The following ARHGAP15 variants were observed in gnomAD, a reference collection of about 807,000 sequenced individuals.
The protein encoded by ARHGAP15 is Rho GTPase activating protein 15.
ARHGAP15 carries 51 observed loss-of-function variants against 63.7 expected under a neutral mutation model. The ratio of observed to expected loss-of-function variants is 0.80; its 90% CI spans 0.64 to 1.01. ARHGAP15 has a LOEUF of 1.01. Ranked by LOEUF, ARHGAP15 falls within the 50% of genes least tolerant of loss-of-function variation. The pLI is 0.00. For synonymous variants in ARHGAP15, 191 were observed against 193.8 expected (o/e 0.99, Z 0.12); for missense variants, 560 against 564.6 (o/e 0.99, Z 0.08).
chr2:143,698,221 T>C (rs906545563), intron 12 of ARHGAP15, among the ~76,000 whole-genome samples: 3 of 152,166 alleles, frequency 2.0e-5, no homozygotes, highest in African/African-American at 7.2e-5. Context: ...AAGGCATGGA[T>C]GATAAGGACA....
At chr2:143,439,961 ATAATT>A (rs1689803765) in intron 8 of ARHGAP15, among the ~76,000 whole-genome samples, 1 of 152,118 alleles carries the variant, frequency 6.6e-6, no homozygotes, top group African/African-American at 2.4e-5. Flanking sequence ...TATTAAAATA[ATAATT>A]TAATCTTTAA....
intron 13 of ARHGAP15, among the ~76,000 whole-genome samples, chr2:143,756,265 A>G (rs922261053): frequency 6.6e-6 from 1 of 152,246 alleles, no homozygotes; most frequent in Non-Finnish European, 1.5e-5. Flanking sequence ...ATATTTAAGT[A>G]CTATATACTC....
Position 143,624,182 on chromosome 2 carries a change from C to A in ARHGAP15, c.1053C>A (p.Val351=). 1.2e-6 allele frequency: 2 copies of A among 1,613,596 alleles called. No individual in the cohort carries two copies. Among genetic ancestry groups the A allele is most frequent in the Non-Finnish European group, 1.7e-6 (2 of 1,179,742 alleles). ...DDSQWEDIHV[V]TGALKMFFRE... is the part of the protein sequence containing the mutation. ...GCCAGTGGGAGGACATCCACGTTGT[C>A]ACCGGAGCACTGAAGATGTTTTTCC... The change falls in exon 12 of 14, where the codon GTC becomes GTA. Residue 351 remains valine, a synonymous_variant. Coordinates refer to ENST00000295095, the MANE Select transcript of ARHGAP15 (RefSeq NM_018460.4).
intron 11 of ARHGAP15, among the ~76,000 whole-genome samples, chr2:143,589,538 T>G (rs755348340): frequency 6.6e-6 from 1 of 152,218 alleles, no homozygotes; most frequent in Non-Finnish European, 1.5e-5. Context: ...CCCATCTAGT[T>G]TGTGACAGAG....
chr2:143,724,536 T>A (rs1481908561), intron 13 of ARHGAP15, among the ~76,000 whole-genome samples: 1 of 152,236 alleles, frequency 6.6e-6, no homozygotes, highest in Non-Finnish European at 1.5e-5. Context: ...GAATCATTTT[T>A]TCCTGGACCT....
intron 12 of ARHGAP15, among the ~76,000 whole-genome samples, chr2:143,701,013 CTTTG>C (rs1295282290): frequency 1.3e-5 from 2 of 151,978 alleles, no homozygotes; most frequent in East Asian, 1.9e-4. Context: ...TCTCGCTCCC[CTTTG>C]TTTCTTTTTT....
At chr2:143,248,341 G>A (rs779653437) in intron 5 of ARHGAP15, among the ~76,000 whole-genome samples, 3 of 152,276 alleles carry the variant, frequency 2.0e-5, no homozygotes, top group East Asian at 1.9e-4. Flanking sequence ...GCAAGATCAC[G>A]TTTAACAGAG....
At chr2:143,185,212 C>G (rs1691393711) in intron 2 of ARHGAP15, among the ~76,000 whole-genome samples, 1 of 152,150 alleles carries the variant, frequency 6.6e-6, no homozygotes. Flanking sequence ...GTACCAAGTG[C>G]TCTGCTCATC....
intron 6 of ARHGAP15, among the ~76,000 whole-genome samples, chr2:143,360,515 T>A (rs547914093): frequency 2.7e-4 from 40 of 147,802 alleles, no homozygotes; most frequent in South Asian, 4.2e-4. Flanking sequence ...AAAAAAAAAA[T>A]GATCTTTAAT....
At chr2:143,545,162 C>T (rs1346176697) in intron 10 of ARHGAP15, among the ~76,000 whole-genome samples, 2 of 152,132 alleles carry the variant, frequency 1.3e-5, no homozygotes, top group South Asian at 2.1e-4. Flanking sequence ...TTTGCTTTTA[C>T]GAACTCACTT....
chr2:143,406,042 C>T (rs891460737), intron 6 of ARHGAP15, among the ~76,000 whole-genome samples: 1 of 151,802 alleles, frequency 6.6e-6, no homozygotes, highest in Non-Finnish European at 1.5e-5. Context: ...TCTGTCAGAT[C>T]TTTGAATATT....
chr2:143,192,327 G>T (rs1024074091), intron 2 of ARHGAP15, among the ~76,000 whole-genome samples: 6 of 152,198 alleles, frequency 3.9e-5, no homozygotes, highest in African/African-American at 9.7e-5. Context: ...TGACTCAACA[G>T]AGCATATTCA....
intron 10 of ARHGAP15, among the ~76,000 whole-genome samples, chr2:143,552,920 T>A (rs1038825621): frequency 1.3e-5 from 2 of 152,130 alleles, no homozygotes; most frequent in Non-Finnish European, 2.9e-5. Context: ...CTTGAAGACG[T>A]TGGTCATTTA....
At chr2:143,137,442 A>T (rs1410966546) in intron 1 of ARHGAP15, among the ~76,000 whole-genome samples, 1 of 152,066 alleles carries the variant, frequency 6.6e-6, no homozygotes, top group African/African-American at 2.4e-5. Flanking sequence ...AATTTAGGAG[A>T]AGAGAAGCTA....
At position 143,228,927 on chromosome 2, in the gene ARHGAP15, T is replaced by C. The variant is rs185079216; in HGVS notation, c.384+259T>C. On this transcript the variant is annotated intron_variant, in intron 5 of 13. Transcript: ENST00000295095. ...CTATGTAGTAATGCGAAGGTAACAC[T>C]TTAAATTAAGGTGCCATTTATAAAT... Among the ~76,000 whole-genome samples the C allele has an allele frequency of 8.5e-5, 13 of 152,310 alleles. 1 individual carries two copies. The East Asian group carries it at 2.5e-3, about 29-fold the overall frequency.
chr2:143,523,764 T>C (rs1694152023), intron 10 of ARHGAP15, among the ~76,000 whole-genome samples: 1 of 152,190 alleles, frequency 6.6e-6, no homozygotes, highest in Non-Finnish European at 1.5e-5. Flanking sequence ...TGATTCCCGG[T>C]TCTGGTTAAT....
intron 13 of ARHGAP15, among the ~76,000 whole-genome samples, chr2:143,743,466 C>G (rs1686037111): frequency 6.6e-6 from 1 of 152,002 alleles, no homozygotes. Flanking sequence ...TGGACAGTCT[C>G]CATGTGGTTC....
At chr2:143,601,202 C>CT (rs541468453) in intron 11 of ARHGAP15, among the ~76,000 whole-genome samples, 166 of 152,014 alleles carry the variant, frequency 1.1e-3, no homozygotes, top group Non-Finnish European at 2.0e-3. Context: ...TCTCTTCATA[C>CT]TTTTTTTTAC....
intron 11 of ARHGAP15, among the ~76,000 whole-genome samples, chr2:143,590,280 C>T (rs1697269733): frequency 6.6e-6 from 1 of 152,160 alleles, no homozygotes; most frequent in Non-Finnish European, 1.5e-5. Flanking sequence ...TAAAAAGTAG[C>T]TCAGAAACAC....
Sources: gnomAD v4.1 joint callset for allele counts (sites outside exome capture counted in the v4.1 genomes callset) on GRCh38, gnomAD v4.1.1 for gene constraint, MANE v1.5 for transcripts, NCBI Gene and HGNC (gene_info 2026-07-23, HGNC 2026-07-21) for gene names.